Variants in SCHIP1 observed in about 807,000 individuals in gnomAD.
The protein encoded by SCHIP1 is schwannomin-interacting protein 1.
SCHIP1 carries 8 observed loss-of-function variants against 29.7 expected under a neutral mutation model. The observed-to-expected ratio is 0.27, with a 90% CI of 0.16 to 0.49. The LOEUF (loss-of-function observed/expected upper bound fraction) is 0.49. SCHIP1 is among the 20% of genes least tolerant of loss of function. The probability of loss-of-function intolerance (pLI) is 0.99; values close to 1 mark genes in which losing one functional copy is unlikely to be tolerated. For synonymous variants in SCHIP1, 76 were observed against 94.9 expected, an observed-to-expected ratio of 0.80 and a Z score of 1.16; for missense variants, 193 against 294.6, an observed-to-expected ratio of 0.66 and a Z score of 2.52.
the SCHIP1 span, among the ~76,000 whole-genome samples, chr3:159,697,667 T>G: frequency 6.6e-6 from 1 of 152,176 alleles, no homozygotes; most frequent in Admixed American, 6.5e-5. Context: ...ACAAAAATTG[T>G]GGTGGTACTG....
At chr3:159,427,874 C>T in the SCHIP1 span, among the ~76,000 whole-genome samples, 1 of 151,832 alleles carries the variant, frequency 6.6e-6, no homozygotes, top group Non-Finnish European at 1.5e-5. Context: ...AGAACAGAGC[C>T]CTCAGAAATA....
At chr3:159,890,659 A>C (rs139636706) in intron 5 of SCHIP1, among the ~76,000 whole-genome samples, 1 of 152,316 alleles carries the variant, frequency 6.6e-6, no homozygotes, top group East Asian at 1.9e-4. Flanking sequence ...CAAGGACTAA[A>C]AGCACTTTCT....
the SCHIP1 span, among the ~76,000 whole-genome samples, chr3:159,425,976 G>A: frequency 1.3e-5 from 2 of 152,154 alleles, no homozygotes; most frequent in African/African-American, 2.4e-5. Context: ...CAGAAATAAA[G>A]ATGTTCTTTG....
chr3:159,887,836 C>G (rs138439433), exon 4 of SCHIP1: 817 of 1,613,840 alleles, frequency 5.1e-4, no homozygotes, highest in Non-Finnish European at 5.9e-4. Context: ...TTGCCATGGC[C>G]AAACCAATGG....
the SCHIP1 span, among the ~76,000 whole-genome samples, chr3:159,394,575 T>C: frequency 6.6e-6 from 1 of 152,168 alleles, no homozygotes. Flanking sequence ...GAAATAATCA[T>C]GTGGTTTTTG....
At chr3:159,386,007 C>T in the SCHIP1 span, among the ~76,000 whole-genome samples, 2 of 152,128 alleles carry the variant, frequency 1.3e-5, no homozygotes, top group Non-Finnish European at 2.9e-5. Flanking sequence ...TATCCATGTC[C>T]CTGCAAAGTA....
At chr3:159,454,806 G>A in the SCHIP1 span, among the ~76,000 whole-genome samples, 1 of 152,162 alleles carries the variant, frequency 6.6e-6, no homozygotes, top group Non-Finnish European at 1.5e-5. Flanking sequence ...GCAATCTGAA[G>A]GTAGGCTTAA....
the SCHIP1 span, among the ~76,000 whole-genome samples, chr3:159,450,514 A>T: frequency 6.6e-6 from 1 of 152,260 alleles, no homozygotes; most frequent in African/African-American, 2.4e-5. Context: ...GACAAGGAAC[A>T]CATTTGATAA....
the SCHIP1 span, among the ~76,000 whole-genome samples, chr3:159,279,470 G>T: frequency 6.6e-6 from 1 of 152,150 alleles, no homozygotes; most frequent in African/African-American, 2.4e-5. Flanking sequence ...AACTGCAAGG[G>T]AGGCTGAGAA....
chr3:159,456,029 T>C, the SCHIP1 span, among the ~76,000 whole-genome samples: 1 of 152,210 alleles, frequency 6.6e-6, no homozygotes, highest in African/African-American at 2.4e-5. Flanking sequence ...AGTCTGTCTC[T>C]GAAATGACCA....
chr3:159,694,696 C>CTCTGTCACT, the SCHIP1 span, among the ~76,000 whole-genome samples: 1 of 152,174 alleles, frequency 6.6e-6, no homozygotes, highest in Non-Finnish European at 1.5e-5. Flanking sequence ...TGAGCAACAA[C>CTCTGTCACT]TCTGTCACTG....
At chr3:159,799,264 A>G in the SCHIP1 span, among the ~76,000 whole-genome samples, 6 of 152,224 alleles carry the variant, frequency 3.9e-5, no homozygotes, top group Non-Finnish European at 2.9e-5. Context: ...TTAGAAAGGA[A>G]AGGCTAAGGC....
the SCHIP1 span, among the ~76,000 whole-genome samples, chr3:159,532,977 C>G: frequency 2.0e-5 from 3 of 152,108 alleles, no homozygotes; most frequent in African/African-American, 7.2e-5. Context: ...AAAGACAATA[C>G]AAAGTGTTAC....
chr3:159,586,071 A>G, the SCHIP1 span, among the ~76,000 whole-genome samples: 6,448 of 152,174 alleles, frequency 0.042, 297 homozygotes, highest in African/African-American at 0.12. Context: ...GAAATAAATT[A>G]ATAAGCTTTG....
At chr3:159,332,745 A>G in the SCHIP1 span, among the ~76,000 whole-genome samples, 1 of 152,186 alleles carries the variant, frequency 6.6e-6, no homozygotes, top group African/African-American at 2.4e-5. Context: ...TTTGACAGTC[A>G]AAAGGATATA....
intron 1 of SCHIP1, among the ~76,000 whole-genome samples, chr3:159,851,534 C>T (rs938357074): frequency 7.2e-6 from 1 of 138,090 alleles, no homozygotes; most frequent in Non-Finnish European, 1.5e-5. Flanking sequence ...TGGCACATAG[C>T]AACCCCTCCC....
chr3:159,353,324 T>TA, the SCHIP1 span, among the ~76,000 whole-genome samples: 15 of 150,752 alleles, frequency 1.0e-4, no homozygotes, highest in East Asian at 3.9e-4. Context: ...ATAATAAAAT[T>TA]AAAAAAAAAG....
At chr3:159,522,599 A>G in the SCHIP1 span, among the ~76,000 whole-genome samples, 1 of 152,230 alleles carries the variant, frequency 6.6e-6, no homozygotes, top group Admixed American at 6.5e-5. Flanking sequence ...GGCCAGGCAC[A>G]GTGGCTTACA....
the SCHIP1 span, among the ~76,000 whole-genome samples, chr3:159,440,613 A>G: frequency 0.17 from 26,261 of 152,068 alleles, 2,355 homozygotes; most frequent in Non-Finnish European, 0.18. Context: ...CCCAATTTTA[A>G]TTCATTACTA....
Sources: gnomAD v4.1 joint callset for allele counts (sites outside exome capture counted in the v4.1 genomes callset) on GRCh38, gnomAD v4.1.1 for gene constraint, MANE v1.5 for transcripts, NCBI Gene and HGNC (gene_info 2026-07-23, HGNC 2026-07-21) for gene names.